The following CSMD2 variants were observed in gnomAD, a reference collection of about 807,000 sequenced individuals.
CSMD2 encodes the protein CUB and Sushi multiple domains 2.
A neutral mutation model predicts 398.5 loss-of-function variants in CSMD2; 130 were observed. That is an observed-to-expected ratio of 0.33 (90% CI 0.28 to 0.38). The LOEUF (loss-of-function observed/expected upper bound fraction) is 0.38. CSMD2 is among the 10% of genes least tolerant of loss of function. CSMD2 has a pLI of 1.00. For synonymous variants in CSMD2, 1,828 were observed against 1,908.5 expected, an observed-to-expected ratio of 0.96 and a Z score of 1.10; for missense variants, 3,829 against 4,764.9, an observed-to-expected ratio of 0.80 and a Z score of 5.78.
intron 68 of CSMD2, 86 bp from the exon 69 acceptor site, chr1:33,520,036 G>A (rs1200164641): frequency 4.1e-5 from 61 of 1,505,626 alleles, no homozygotes; most frequent in Non-Finnish European, 5.3e-5. Flanking sequence ...ACACTCTTGG[G>A]AAGCAGGGCT....
rs199962081 is a variant in CSMD2 at position 33,725,361 on chromosome 1, G to A, written c.2683C>T (p.Leu895Phe). Residue 895 changes from leucine to phenylalanine, a missense_variant, in exon 17 of 71, where the codon CTC becomes TTC. Physicochemically the swap from Leu to Phe is conservative, Grantham distance 22. This residue lies in a region of CSMD2 where 2,001 missense variants were observed against 2,567.1 expected (regional missense o/e 0.78). Coordinates refer to ENST00000373381, the MANE Select transcript of CSMD2 (RefSeq NM_001281956.2). ...DKSHSDIGFQ[L>F]RYETITLQSD... ...CACTGAGACTCACTCTCATAGCGGA[G>A]CTGGAAGCCGATGTCCGAGTGACTC... 7.2e-5 allele frequency: 117 copies of A among 1,613,938 alleles called. 2 individuals carry two copies. In the East Asian group the frequency reaches 2.6e-3, roughly 36 times the overall value.
intron 19 of CSMD2, among the ~76,000 whole-genome samples, chr1:33,722,758 GT>G (rs1024441425): frequency 6.7e-6 from 1 of 149,098 alleles, no homozygotes; most frequent in Non-Finnish European, 1.5e-5. Context: ...TCCTTTCAAA[GT>G]TTTTTTTAAT....
chr1:34,120,242 T>C (rs2358699), intron 1 of CSMD2, among the ~76,000 whole-genome samples: 131 of 152,312 alleles, frequency 8.6e-4, no homozygotes, highest in African/African-American at 3.0e-3. Context: ...ATATGAGATA[T>C]TTAAAATAGA....
At chr1:33,691,407 G>A (rs117467553) in intron 25 of CSMD2, among the ~76,000 whole-genome samples, 2 of 152,280 alleles carry the variant, frequency 1.3e-5, no homozygotes, top group East Asian at 3.9e-4. Flanking sequence ...AAGTCCCTAT[G>A]TACACTGCTG....
chr1:33,834,179 G>C (rs1349623770), intron 6 of CSMD2, among the ~76,000 whole-genome samples: 2 of 96,588 alleles, frequency 2.1e-5, no homozygotes, highest in African/African-American at 1.1e-4. Flanking sequence ...CCAAAAAAGA[G>C]CCCGCATCGC....
intron 53 of CSMD2, among the ~76,000 whole-genome samples, chr1:33,561,020 T>C (rs190126737): frequency 6.6e-6 from 1 of 152,348 alleles, no homozygotes; most frequent in East Asian, 1.9e-4. Flanking sequence ...TCTCGCTTTG[T>C]TCTGGGTTTT....
At chr1:33,544,452 G>A (rs1348889756) in intron 57 of CSMD2, among the ~76,000 whole-genome samples, 3 of 152,020 alleles carry the variant, frequency 2.0e-5, no homozygotes, top group African/African-American at 7.3e-5. Context: ...GCACCAGCCC[G>A]GGAATTAGCC....
intron 2 of CSMD2, among the ~76,000 whole-genome samples, chr1:34,081,683 G>T (rs1352707053): frequency 6.6e-6 from 1 of 152,252 alleles, no homozygotes; most frequent in African/African-American, 2.4e-5. Context: ...GCCTCCCGAG[G>T]TGCCTCGCTC....
intron 1 of CSMD2, among the ~76,000 whole-genome samples, chr1:34,120,254 TCTCAGAAA>T (rs981164858): frequency 1.3e-3 from 205 of 152,274 alleles, no homozygotes; most frequent in African/African-American, 4.7e-3. Flanking sequence ...TAAAATAGAC[TCTCAGAAA>T]CAGAAATTAA....
chr1:33,863,462 C>A (rs537148520), intron 5 of CSMD2: 4 of 152,206 alleles, frequency 2.6e-5, no homozygotes, highest in Non-Finnish European at 4.4e-5. Flanking sequence ...GTTCTCCCCC[C>A]TCTTTCGCCT....
intron 3 of CSMD2, among the ~76,000 whole-genome samples, chr1:33,994,577 C>T (rs35008849): frequency 0.021 from 3,190 of 152,178 alleles, 63 homozygotes; most frequent in Non-Finnish European, 0.03. Flanking sequence ...TTTCCAGAGC[C>T]CAACTCAGTA....
Position 33,788,594 on chromosome 1 carries a change from A to T in CSMD2, c.1663+6T>A. Reference sequence around the variant, plus strand: ...ACAGTTCATCTGGCTTGCCAAAAGCAGTTACCTTCATAAGAAGCCTTGAAT... The same window carrying T: ...ACAGTTCATCTGGCTTGCCAAAAGCTGTTACCTTCATAAGAAGCCTTGAAT... On this transcript the variant is annotated splice_donor_region_variant and intron_variant, in intron 12 of 70. Transcript: ENST00000373381. 2 of 1,549,314 alleles carry T rather than the reference A, an allele frequency of 1.3e-6. No individual in the cohort carries two copies. The highest frequency in any genetic ancestry group is 1.8e-6 in the Non-Finnish European group (2 of 1,121,182).
At chr1:33,810,959 A>T in intron 9 of CSMD2, 95 bp from the exon 10 acceptor site, 3 of 1,387,836 alleles carry the variant, frequency 2.2e-6, no homozygotes, top group Non-Finnish European at 3.0e-6. Flanking sequence ...CTGCATCTGT[A>T]CAGTTCCCAC....
At chr1:33,527,667 C>T (rs186325807) in intron 64 of CSMD2, among the ~76,000 whole-genome samples, 4 of 152,266 alleles carry the variant, frequency 2.6e-5, no homozygotes, top group Admixed American at 2.6e-4. Flanking sequence ...AAAGTCTTTT[C>T]AATTTCTACT....
At chr1:34,088,883 G>T in intron 2 of CSMD2, 94 bp downstream of exon 2, 2 of 1,010,100 alleles carry the variant, frequency 2.0e-6, no homozygotes, top group South Asian at 1.4e-5. Context: ...CTTTGTTGAT[G>T]ACCATAAACT....
At chr1:33,530,687 C>G (rs1032151744) in intron 64 of CSMD2, among the ~76,000 whole-genome samples, 1 of 152,120 alleles carries the variant, frequency 6.6e-6, no homozygotes, top group African/African-American at 2.4e-5. Flanking sequence ...GATACGGAAA[C>G]AACCTAAGTG....
chr1:33,810,155 T>TA (rs1451716589), intron 10 of CSMD2, among the ~76,000 whole-genome samples: 10 of 152,116 alleles, frequency 6.6e-5, no homozygotes, highest in Admixed American at 6.5e-4. Context: ...CTTGGCAACA[T>TA]ACTTGTAAAA....
chr1:34,116,156 T>C (rs1194533498), intron 1 of CSMD2, among the ~76,000 whole-genome samples: 6 of 152,058 alleles, frequency 3.9e-5, no homozygotes, highest in Non-Finnish European at 8.8e-5. Flanking sequence ...AGACATAAAG[T>C]AGTTAAACTG....
At position 33,899,261 on chromosome 1, in the gene CSMD2, CATCAACCAACCACAGCCCAA is replaced by C. The variant is rs529893930; in HGVS notation, c.920+18813_920+18832del. ...CCTGGCTATCTGTGAAGCCAGCCCA[CATCAACCAACCACAGCCCAA>C]GGCCCAAAAGCAGCCCCAGGGGGAA... On this transcript the variant is annotated intron_variant, in intron 5 of 70. Transcript: ENST00000373381. Among the ~76,000 whole-genome samples the C allele has an allele frequency of 7.8e-4, 119 of 152,348 alleles. 1 individual carries two copies. The highest frequency in any genetic ancestry group is 7.0e-3 in the South Asian group (34 of 4,830).
Sources: allele counts gnomAD v4.1 joint callset (sites outside exome capture counted in the v4.1 genomes callset), GRCh38; gene constraint gnomAD v4.1.1; regional missense constraint gnomAD v4.1.1; transcripts MANE v1.5; gene names NCBI Gene and HGNC (gene_info 2026-07-23, HGNC 2026-07-21).